NBAS: variants seen among roughly 807,000 people sequenced by gnomAD.
NBAS encodes the protein NAG/BC035112 fusion.
A neutral mutation model predicts 302.5 loss-of-function variants in NBAS; 219 were observed. The observed-to-expected ratio is 0.72, with a 90% CI of 0.65 to 0.81. The LOEUF is 0.81. Among genes scored for constraint, NBAS ranks in the 30% least tolerant of loss-of-function variants. NBAS has a pLI of 0.00. For missense variants in NBAS, 2,932 were observed against 2,841.6 expected (o/e 1.03, Z -0.72); for synonymous variants, 1,118 against 1,021.6 (o/e 1.09, Z -1.80).
chr2:14,801,499 GT>G, the NBAS span, among the ~76,000 whole-genome samples: 2 of 151,826 alleles, frequency 1.3e-5, no homozygotes, highest in South Asian at 2.1e-4. Context: ...AGAAATTTGT[GT>G]TTTTTTATTC....
chr2:15,208,711 G>A (rs1295902099), intron 48 of NBAS, among the ~76,000 whole-genome samples: 1 of 152,008 alleles, frequency 6.6e-6, no homozygotes, highest in East Asian at 1.9e-4. Flanking sequence ...GTGGCCCAAT[G>A]AAGAAATGAA....
the NBAS span, among the ~76,000 whole-genome samples, chr2:15,127,733 G>A: frequency 6.6e-5 from 10 of 152,092 alleles, no homozygotes; most frequent in Non-Finnish European, 1.2e-4. Context: ...TGTAATGGCT[G>A]TATTATCAGA....
chr2:15,487,385 T>C (rs181955078), intron 12 of NBAS, among the ~76,000 whole-genome samples: 29 of 152,272 alleles, frequency 1.9e-4, no homozygotes, highest in Middle Eastern at 3.4e-3. Flanking sequence ...GGGTTCCAGG[T>C]ATACCAAAAT....
the NBAS span, among the ~76,000 whole-genome samples, chr2:15,067,301 T>C: frequency 1.3e-5 from 2 of 149,398 alleles, no homozygotes; most frequent in Non-Finnish European, 1.5e-5. Context: ...ACTGTGATTA[T>C]GCCACTGCAC....
chr2:14,806,760 A>C, the NBAS span, among the ~76,000 whole-genome samples: 1 of 152,270 alleles, frequency 6.6e-6, no homozygotes, highest in South Asian at 2.1e-4. Flanking sequence ...ATCGGTTGGC[A>C]GGAAGGAATG....
the NBAS span, among the ~76,000 whole-genome samples, chr2:14,882,341 TC>T: frequency 2.0e-5 from 3 of 152,010 alleles, no homozygotes; most frequent in Non-Finnish European, 4.4e-5. Context: ...CACACCCAGA[TC>T]TTCACCTTCC....
the NBAS span, among the ~76,000 whole-genome samples, chr2:14,827,541 A>G: frequency 6.6e-6 from 1 of 152,218 alleles, no homozygotes; most frequent in African/African-American, 2.4e-5. Context: ...TGAACACAGA[A>G]ACAGCCTCCA....
intron 36 of NBAS, among the ~76,000 whole-genome samples, chr2:15,328,678 T>C (rs912593993): frequency 7.9e-5 from 12 of 152,362 alleles, no homozygotes; most frequent in African/African-American, 2.6e-4. Flanking sequence ...TCATCTTGTC[T>C]GTGTTGCTGC....
At chr2:14,875,103 C>T in the NBAS span, among the ~76,000 whole-genome samples, 2 of 152,014 alleles carry the variant, frequency 1.3e-5, no homozygotes, top group East Asian at 1.9e-4. Flanking sequence ...TATACAATCT[C>T]GCCACTTCAC....
At chr2:15,016,507 TGG>T in the NBAS span, among the ~76,000 whole-genome samples, 4 of 152,148 alleles carry the variant, frequency 2.6e-5, no homozygotes, top group African/African-American at 9.7e-5. Context: ...GCCATGCTCA[TGG>T]ATTGGAAGAA....
intron 44 of NBAS, among the ~76,000 whole-genome samples, chr2:15,239,645 T>C (rs1014414173): frequency 1.3e-5 from 2 of 151,802 alleles, no homozygotes; most frequent in African/African-American, 4.8e-5. Flanking sequence ...TGTACATGCA[T>C]ATAAAGTATA....
At chr2:15,141,730 T>C in the NBAS span, among the ~76,000 whole-genome samples, 243 of 152,328 alleles carry the variant, frequency 1.6e-3, no homozygotes, top group Middle Eastern at 3.4e-3. Flanking sequence ...GGGCCACTCA[T>C]GCACTCAGGC....
At position 15,254,611 on chromosome 2, in the gene NBAS, G is replaced by A. The variant is rs868502094; in HGVS notation, c.5725-15925C>T. Among the ~76,000 whole-genome samples the A allele has an allele frequency of 2.5e-4, 38 of 152,264 alleles. No homozygotes were observed. In the South Asian group the frequency reaches 2.9e-3, roughly 12 times the overall value. On this transcript the variant is annotated intron_variant, in intron 44 of 51. Coordinates refer to ENST00000281513, the MANE Select transcript of NBAS (RefSeq NM_015909.4). ...GGCGTTTGCATGGAAAAGTCCTTCA[G>A]TGATGATTTCTGATATTTTGGTGTA... is the stretch of plus-strand genomic sequence containing the variant.
chr2:14,783,390 T>G, the NBAS span, among the ~76,000 whole-genome samples: 1 of 151,672 alleles, frequency 6.6e-6, no homozygotes, highest in East Asian at 1.9e-4. Flanking sequence ...TACATAAGTA[T>G]ACATGTGCCA....
Position 15,424,325 on chromosome 2 carries a change from T to A in NBAS, c.2567A>T (p.Tyr856Phe), listed in dbSNP as rs777027127. 1 of 1,614,070 alleles carries A rather than the reference T, an allele frequency of 6.2e-7. No homozygotes were observed. Among genetic ancestry groups the A allele is most frequent in the Admixed American group, 1.7e-5 (1 of 60,018 alleles). Residue 856 changes from tyrosine (Y) to phenylalanine (F), a missense_variant, in exon 23 of 52, where the codon TAT becomes TTT. Physicochemically the swap from Tyr to Phe is conservative, Grantham distance 22. Transcript: ENST00000281513. Reference sequence around the variant, plus strand: ...GCCATTTCCCCTCACCTGCCGAGCATAATGCTCTATTTCCTCTGCTCTGGT... The same window carrying A: ...GCCATTTCCCCTCACCTGCCGAGCAAAATGCTCTATTTCCTCTGCTCTGGT... ...YQTRAEEIEH[Y>F]ARQVDCALSL...
the NBAS span, among the ~76,000 whole-genome samples, chr2:15,026,426 G>A: frequency 1.6e-4 from 2 of 12,326 alleles, 1 homozygote; most frequent in African/African-American, 7.7e-4. Context: ...ACTGCAGTCC[G>A]CAGTCCGGCC....
the NBAS span, among the ~76,000 whole-genome samples, chr2:14,871,715 G>A: frequency 6.6e-6 from 1 of 152,096 alleles, no homozygotes; most frequent in South Asian, 2.1e-4. Context: ...TTACATAAAA[G>A]TAGACTGTGT....
intron 38 of NBAS, among the ~76,000 whole-genome samples, chr2:15,319,296 G>A (rs1671673642): frequency 6.6e-6 from 1 of 152,120 alleles, no homozygotes; most frequent in Non-Finnish European, 1.5e-5. Context: ...AGAGAAAGCA[G>A]GAAAGATATA....
At chr2:15,501,059 C>G (rs2380656) in intron 11 of NBAS, among the ~76,000 whole-genome samples, 1 of 151,764 alleles carries the variant, frequency 6.6e-6, no homozygotes, top group Non-Finnish European at 1.5e-5. Context: ...CCCAGCACTT[C>G]GGGAGGCCGA....
Sources: gnomAD v4.1 joint callset for allele counts (sites outside exome capture counted in the v4.1 genomes callset) on GRCh38, gnomAD v4.1.1 for gene constraint, MANE v1.5 for transcripts, NCBI Gene and HGNC (gene_info 2026-07-23, HGNC 2026-07-21) for gene names.